PLEKHA5: variants seen among roughly 807,000 people sequenced by gnomAD.
PLEKHA5 encodes pleckstrin homology domain-containing family A member 5.
A neutral mutation model predicts 181.9 loss-of-function variants in PLEKHA5; 55 were observed. The ratio of observed to expected loss-of-function variants is 0.30; its 90% confidence interval spans 0.24 to 0.38. The LOEUF is 0.38. Among genes scored for constraint, PLEKHA5 ranks in the 10% least tolerant of loss-of-function variants. The pLI is 1.00. For missense variants in PLEKHA5, 1,432 were observed against 1,549.5 expected (o/e 0.92, Z 1.27); for synonymous variants, 535 against 529.4 (o/e 1.01, Z -0.15).
chr12:19,288,579 A>G (rs947663630), intron 13 of PLEKHA5, among the ~76,000 whole-genome samples: 3 of 152,206 alleles, frequency 2.0e-5, no homozygotes, highest in African/African-American at 7.2e-5. Flanking sequence ...GCAGTAATCA[A>G]ATTCATCTTA....
chr12:19,362,167 CAAAAAA>C (rs33984774), intron 29 of PLEKHA5, among the ~76,000 whole-genome samples: 2 of 61,608 alleles, frequency 3.2e-5, no homozygotes. Context: ...GACTCTGTCT[CAAAAAA>C]AAAAAAAAAA....
chr12:19,293,753 A>G (rs1475577302), intron 15 of PLEKHA5, among the ~76,000 whole-genome samples: 3 of 152,192 alleles, frequency 2.0e-5, no homozygotes, highest in South Asian at 4.1e-4. Flanking sequence ...AGGTAAATAT[A>G]TCAAAAACAC....
At chr12:19,232,309 T>A (rs964638816) in intron 3 of PLEKHA5, among the ~76,000 whole-genome samples, 1 of 152,078 alleles carries the variant, frequency 6.6e-6, no homozygotes, top group African/African-American at 2.4e-5. Context: ...TTGGGGTAGA[T>A]CTCTCTGAGA....
intron 3 of PLEKHA5, among the ~76,000 whole-genome samples, chr12:19,172,460 G>C (rs2046135480): frequency 6.6e-6 from 1 of 152,086 alleles, no homozygotes; most frequent in Non-Finnish European, 1.5e-5. Context: ...AAACGACCCG[G>C]GGGGGCAAAA....
intron 16 of PLEKHA5, among the ~76,000 whole-genome samples, chr12:19,318,681 G>C (rs1201826173): frequency 6.6e-6 from 1 of 152,154 alleles, no homozygotes; most frequent in East Asian, 1.9e-4. Flanking sequence ...CCAGCACTTT[G>C]GGAGGCCAAG....
intron 3 of PLEKHA5, among the ~76,000 whole-genome samples, chr12:19,233,047 C>G (rs2060872469): frequency 6.6e-6 from 1 of 151,906 alleles, no homozygotes; most frequent in Non-Finnish European, 1.5e-5. Flanking sequence ...TGATTTACCC[C>G]TTACCTGATT....
chr12:19,290,893 G>A (rs2078264608), intron 14 of PLEKHA5, 97 bp downstream of exon 14: 1 of 1,081,468 alleles, frequency 9.2e-7, no homozygotes, highest in Admixed American at 2.6e-5. Flanking sequence ...TGTTGAGCAT[G>A]AGCCCATACC....
intron 3 of PLEKHA5, among the ~76,000 whole-genome samples, chr12:19,209,483 C>G (rs2056458929): frequency 6.6e-6 from 1 of 152,188 alleles, no homozygotes. Context: ...ATACACAAAT[C>G]TGACTGAAAA....
Position 19,167,781 on chromosome 12 carries a change from T to C in PLEKHA5, c.227+35331T>C, listed in dbSNP as rs189280230. Among the ~76,000 whole-genome samples the C allele has an allele frequency of 2.7e-3, 405 of 152,202 alleles. 3 individuals carry two copies. The highest frequency in any genetic ancestry group is 9.2e-3 in the African/African-American group (382 of 41,528). On this transcript the variant is annotated intron_variant, in intron 3 of 31. Transcript: ENST00000429027. The stretch of plus-strand genomic sequence containing the variant: ...CATAAAATTACAACTATGATCAGCT[T>C]GGTGAAGGAGAAGAATGCAGTGTCA...
intron 18 of PLEKHA5, 72 bp downstream of exon 18, chr12:19,320,696 G>A (rs2090429042): frequency 1.4e-6 from 1 of 698,576 alleles, no homozygotes. Context: ...AAATAAGCAT[G>A]ACCAAAAAAC....
At chr12:19,327,803 C>T (rs1321510772) in intron 20 of PLEKHA5, among the ~76,000 whole-genome samples, 1 of 152,012 alleles carries the variant, frequency 6.6e-6, no homozygotes, top group Non-Finnish European at 1.5e-5. Flanking sequence ...CGCTACCAAG[C>T]CTGGCTACTT....
chr12:19,255,259 AC>A, intron 5 of PLEKHA5, 94 bp downstream of exon 5: 1 of 690,510 alleles, frequency 1.4e-6, no homozygotes, highest in Non-Finnish European at 2.1e-6. Flanking sequence ...AATAATAATT[AC>A]ATTTTTATTA....
intron 3 of PLEKHA5, among the ~76,000 whole-genome samples, chr12:19,175,084 C>A (rs1337835125): frequency 3.3e-5 from 5 of 152,162 alleles, no homozygotes; most frequent in Non-Finnish European, 1.5e-5. Flanking sequence ...TAGAAGACAG[C>A]TGGAATGAGG....
intron 3 of PLEKHA5, among the ~76,000 whole-genome samples, chr12:19,222,188 C>T (rs1196881480): frequency 1.3e-5 from 2 of 152,044 alleles, no homozygotes; most frequent in African/African-American, 2.4e-5. Context: ...TATACACACG[C>T]ACCCACAGTC....
At chr12:19,200,459 A>G (rs750037675) in intron 3 of PLEKHA5, 29 of 1,426,322 alleles carry the variant, frequency 2.0e-5, no homozygotes, top group Non-Finnish European at 2.7e-5. Flanking sequence ...TTCTAAACTG[A>G]TTGTCTTCGT....
chr12:19,193,224 G>A (rs1351616419), intron 3 of PLEKHA5, among the ~76,000 whole-genome samples: 1 of 152,148 alleles, frequency 6.6e-6, no homozygotes, highest in Non-Finnish European at 1.5e-5. Context: ...AAGAAGGAAA[G>A]TCTTAATACT....
intron 8 of PLEKHA5, among the ~76,000 whole-genome samples, chr12:19,268,500 T>C (rs1420440433): frequency 6.6e-6 from 1 of 152,244 alleles, no homozygotes; most frequent in Non-Finnish European, 1.5e-5. Context: ...TTCTCTCTTC[T>C]GTGATGTTGT....
intron 24 of PLEKHA5, 87 bp from the exon 25 acceptor site, chr12:19,348,312 T>G: frequency 1.0e-6 from 1 of 970,844 alleles, no homozygotes; most frequent in Non-Finnish European, 1.5e-6. Flanking sequence ...TACTAATGTT[T>G]AGAGTTTGAT....
At chr12:19,254,867 T>G (rs1414305887) in intron 4 of PLEKHA5, among the ~76,000 whole-genome samples, 178 bp from the exon 5 acceptor site, 6 of 152,162 alleles carry the variant, frequency 3.9e-5, no homozygotes, top group Non-Finnish European at 8.8e-5. Flanking sequence ...TATTTTTGGC[T>G]TAGGAAAAGC....
Sources: allele counts gnomAD v4.1 joint callset (sites outside exome capture counted in the v4.1 genomes callset), GRCh38; gene constraint gnomAD v4.1.1; transcripts MANE v1.5; gene names NCBI Gene and HGNC (gene_info 2026-07-23, HGNC 2026-07-21).